HS6ST3: variants seen among roughly 807,000 people sequenced by gnomAD.
HS6ST3 encodes heparan sulfate 6-O-sulfotransferase 3, also known as heparan-sulfate 6-O-sulfotransferase 3.
Under a neutral mutation model 36.7 loss-of-function variants are expected in HS6ST3, and 12 were observed. The observed-to-expected ratio is 0.33, with a 90% CI of 0.21 to 0.53. The LOEUF (loss-of-function observed/expected upper bound fraction) is 0.53. HS6ST3 is among the 20% of genes least tolerant of loss of function. HS6ST3 has a pLI of 0.95. For synonymous variants in HS6ST3, 240 were observed against 257.5 expected, an observed-to-expected ratio of 0.93 and a Z score of 0.65; for missense variants, 584 against 640.9, an observed-to-expected ratio of 0.91 and a Z score of 0.96.
intron 1 of HS6ST3, among the ~76,000 whole-genome samples, chr13:96,428,794 T>A (rs920548788): frequency 6.6e-6 from 1 of 151,892 alleles, no homozygotes; most frequent in African/African-American, 2.4e-5. Context: ...GCAGTGCTCC[T>A]TAGAAATAGA....
intron 1 of HS6ST3, among the ~76,000 whole-genome samples, chr13:96,257,198 C>G (rs1274833453): frequency 6.6e-6 from 1 of 152,126 alleles, no homozygotes; most frequent in Non-Finnish European, 1.5e-5. Context: ...ATGGGTTTAA[C>G]AAGAGACTAG....
At chr13:96,157,757 GA>G (rs2054116976) in intron 1 of HS6ST3, among the ~76,000 whole-genome samples, 4 of 152,188 alleles carry the variant, frequency 2.6e-5, no homozygotes, top group African/African-American at 9.6e-5. Flanking sequence ...CATAATGAAT[GA>G]TTAGTGTGCA....
intron 1 of HS6ST3, among the ~76,000 whole-genome samples, chr13:96,293,491 C>T (rs143134519): frequency 6.3e-4 from 96 of 152,184 alleles, no homozygotes; most frequent in African/African-American, 2.1e-3. Flanking sequence ...GACATATACA[C>T]ATATATGCAG....
intron 1 of HS6ST3, among the ~76,000 whole-genome samples, chr13:96,683,549 G>A (rs938648868): frequency 2.0e-5 from 3 of 152,050 alleles, no homozygotes; most frequent in African/African-American, 4.8e-5. Context: ...GCAAGTGCTA[G>A]CCAAAGCACT....
At chr13:96,292,976 T>A (rs1170648025) in intron 1 of HS6ST3, among the ~76,000 whole-genome samples, 1 of 152,058 alleles carries the variant, frequency 6.6e-6, no homozygotes, top group East Asian at 1.9e-4. Flanking sequence ...TGGATGATGA[T>A]TAGTGATGAT....
chr13:96,480,356 T>C (rs540225408), intron 1 of HS6ST3, among the ~76,000 whole-genome samples: 3 of 152,240 alleles, frequency 2.0e-5, no homozygotes, highest in Non-Finnish European at 2.9e-5. Context: ...TCAGGTGATC[T>C]GCCCGCCTCG....
intron 1 of HS6ST3, among the ~76,000 whole-genome samples, chr13:96,429,250 G>A (rs1220184203): frequency 1.3e-5 from 2 of 152,136 alleles, no homozygotes; most frequent in African/African-American, 4.8e-5. Flanking sequence ...GATTAGAATA[G>A]AATAAAAATT....
chr13:96,576,909 ACTCCAGT>A (rs1307416894), intron 1 of HS6ST3, among the ~76,000 whole-genome samples: 4 of 131,348 alleles, frequency 3.0e-5, no homozygotes, highest in Non-Finnish European at 4.6e-5. Flanking sequence ...GCGCCACTGC[ACTCCAGT>A]CTGGGAAACA....
intron 1 of HS6ST3, among the ~76,000 whole-genome samples, chr13:96,342,099 A>G (rs1314928918): frequency 6.6e-6 from 1 of 152,078 alleles, no homozygotes; most frequent in African/African-American, 2.4e-5. Context: ...AAAAAAGTTC[A>G]TTATTTTCAT....
intron 1 of HS6ST3, among the ~76,000 whole-genome samples, chr13:96,821,147 A>G (rs1878525515): frequency 6.6e-6 from 1 of 152,170 alleles, no homozygotes; most frequent in Admixed American, 6.5e-5. Flanking sequence ...CTGTTTCTAT[A>G]GCTTCTTCTA....
chr13:96,799,966 G>A (rs182127416), intron 1 of HS6ST3, among the ~76,000 whole-genome samples: 2,727 of 59,894 alleles, frequency 0.046, 97 homozygotes, highest in African/African-American at 0.15. Flanking sequence ...ATATATATGT[G>A]TATATATATA....
At chr13:96,432,633 A>T (rs1236749671) in intron 1 of HS6ST3, among the ~76,000 whole-genome samples, 3 of 152,228 alleles carry the variant, frequency 2.0e-5, no homozygotes, top group Non-Finnish European at 4.4e-5. Context: ...TAAAAGTTTC[A>T]CAGGCCTCAA....
chr13:96,449,899 A>G (rs943004939), intron 1 of HS6ST3, among the ~76,000 whole-genome samples: 2 of 152,206 alleles, frequency 1.3e-5, no homozygotes, highest in African/African-American at 2.4e-5. Flanking sequence ...TAGAATTTCT[A>G]TGAGATGAGA....
chr13:96,251,065 T>A (rs545551819), intron 1 of HS6ST3, among the ~76,000 whole-genome samples: 1 of 152,334 alleles, frequency 6.6e-6, no homozygotes, highest in East Asian at 1.9e-4. Context: ...TCTTGTAGTA[T>A]CCTCATCTGG....
chr13:96,588,877 C>G (rs2056372012), intron 1 of HS6ST3, among the ~76,000 whole-genome samples: 1 of 151,788 alleles, frequency 6.6e-6, no homozygotes. Flanking sequence ...TAGCAAAACC[C>G]TGTCTCTACT....
chr13:96,452,814 T>C (rs954754340), intron 1 of HS6ST3, among the ~76,000 whole-genome samples: 2 of 152,172 alleles, frequency 1.3e-5, no homozygotes, highest in Non-Finnish European at 1.5e-5. Context: ...TGTTTTTTAT[T>C]TCCCCCCCAG....
At chr13:96,549,973 A>G (rs1376729090) in intron 1 of HS6ST3, among the ~76,000 whole-genome samples, 1 of 152,148 alleles carries the variant, frequency 6.6e-6, no homozygotes, top group African/African-American at 2.4e-5. Context: ...GTCACATTGT[A>G]TGTTCTCTAT....
chr13:96,787,240 C>T (rs908640411), intron 1 of HS6ST3, among the ~76,000 whole-genome samples: 7 of 152,084 alleles, frequency 4.6e-5, no homozygotes, highest in African/African-American at 7.2e-5. Flanking sequence ...GGGTAAATAC[C>T]GAGGAGTAGG....
At chr13:96,297,987 T>A (rs1301891330) in intron 1 of HS6ST3, among the ~76,000 whole-genome samples, 2 of 152,146 alleles carry the variant, frequency 1.3e-5, no homozygotes, top group African/African-American at 4.8e-5. Context: ...TATTAAAAAC[T>A]ATTTACAAAA....
Sources: gnomAD v4.1 joint callset for allele counts (sites outside exome capture counted in the v4.1 genomes callset) on GRCh38, gnomAD v4.1.1 for gene constraint, MANE v1.5 for transcripts, NCBI Gene and HGNC (gene_info 2026-07-23, HGNC 2026-07-21) for gene names.